The following EFHC2 variants were observed in gnomAD, a reference collection of about 807,000 sequenced individuals.
The protein encoded by EFHC2 is EF-hand domain containing 2.
In EFHC2, 18 loss-of-function variants were observed where a neutral mutation model predicts 52.7. That is an observed-to-expected ratio of 0.34 (90% CI 0.24 to 0.51). The LOEUF is 0.51. EFHC2 is among the 20% of genes least tolerant of loss of function. EFHC2 has a pLI of 0.97. For missense variants in EFHC2, 513 were observed against 562.5 expected (o/e 0.91, Z 0.89); for synonymous variants, 203 against 204.1 (o/e 0.99, Z 0.04).
intron 11 of EFHC2, among the ~76,000 whole-genome samples, chrX:44,187,056 T>C (rs1377070216): frequency 2.9e-5 from 3 of 102,612 alleles, no homozygotes; most frequent in Non-Finnish European, 5.9e-5. Flanking sequence ...GAGGTCAAAG[T>C]TGTAGTGAGC....
chrX:44,305,727 G>C (rs1170336867), intron 2 of EFHC2, among the ~76,000 whole-genome samples: 1 of 111,586 alleles, frequency 9.0e-6, no homozygotes, highest in African/African-American at 3.3e-5. Context: ...ATAACTACAA[G>C]TCCAAAGAGA....
intron 1 of EFHC2, among the ~76,000 whole-genome samples, chrX:44,320,615 C>G (rs2038012428): frequency 1.8e-5 from 2 of 111,225 alleles, no homozygotes; most frequent in African/African-American, 6.5e-5. Flanking sequence ...GCATTAGCCT[C>G]TCCCTTCCAT....
At chrX:44,227,087 A>G (rs2037238932) in intron 11 of EFHC2, among the ~76,000 whole-genome samples, 1 of 110,535 alleles carries the variant, frequency 9.0e-6, no homozygotes. Context: ...TGTTTGCCAG[A>G]CACTGAAATA....
intron 1 of EFHC2, among the ~76,000 whole-genome samples, chrX:44,313,095 CA>C (rs1276344069): frequency 0.039 from 1,927 of 49,991 alleles, 14 homozygotes; most frequent in Middle Eastern, 0.14. Context: ...ATGCAAACAG[CA>C]AAAAAAAAAA....
intron 14 of EFHC2, among the ~76,000 whole-genome samples, chrX:44,160,979 G>A (rs1255742280): frequency 1.8e-5 from 2 of 111,532 alleles, no homozygotes; most frequent in East Asian, 5.6e-4. Context: ...TATTAAGAAT[G>A]GCTTAGGTCT....
intron 9 of EFHC2, among the ~76,000 whole-genome samples, chrX:44,233,019 G>A (rs2037291829): frequency 1.8e-5 from 2 of 111,187 alleles, no homozygotes; most frequent in Admixed American, 9.6e-5. Context: ...ACAAAAAAAA[G>A]AAAAAACAGA....
At position 44,178,481 on chromosome X, in the gene EFHC2, C is replaced by G; in HGVS notation, c.1835G>C (p.Gly612Ala). Reference protein sequence around the residue: ...TIARHYRVPEGTCSDMDFLIA... With the variant: ...TIARHYRVPEATCSDMDFLIA... Reference sequence around the variant, plus strand: ...TAAGAAATCCATATCTGAACATGTGCCCTCAGGCACACGGTAGTGACGTGC... The same window carrying G: ...TAAGAAATCCATATCTGAACATGTGGCCTCAGGCACACGGTAGTGACGTGC... The change falls in exon 12 of 15, where the codon GGC (glycine) becomes GCC (alanine). Residue 612 changes from glycine (G) to alanine (A), a missense_variant. Gly to Ala is a moderately conservative substitution (Grantham distance 60). Coordinates refer to ENST00000420999, the MANE Select transcript of EFHC2 (RefSeq NM_025184.4). The G allele has an allele frequency of 8.3e-7, 1 of 1,207,169 alleles. No homozygotes were observed. Among genetic ancestry groups the G allele is most frequent in the Non-Finnish European group, 1.1e-6 (1 of 893,389 alleles).
chrX:44,266,511 AT>A (rs1270622025), intron 3 of EFHC2, among the ~76,000 whole-genome samples: 4 of 109,469 alleles, frequency 3.7e-5, no homozygotes, highest in Non-Finnish European at 7.6e-5. Flanking sequence ...TAATTTTTAT[AT>A]TTTTAGTCGA....
chrX:44,222,109 C>G (rs1302104788), intron 11 of EFHC2, among the ~76,000 whole-genome samples: 4 of 111,254 alleles, frequency 3.6e-5, no homozygotes, highest in African/African-American at 1.3e-4. Context: ...TGCCTATTTC[C>G]ACAATACCTA....
At chrX:44,269,736 T>G (rs1255751358) in intron 3 of EFHC2, among the ~76,000 whole-genome samples, 2 of 111,112 alleles carry the variant, frequency 1.8e-5, no homozygotes, top group African/African-American at 6.6e-5. Context: ...ATAATCCTCT[T>G]TTCTTTATAA....
intron 8 of EFHC2, among the ~76,000 whole-genome samples, chrX:44,241,400 T>C (rs1025643575): frequency 8.9e-6 from 1 of 112,008 alleles, no homozygotes; most frequent in African/African-American, 3.2e-5. Flanking sequence ...AAACCTATGG[T>C]TACTGAACTC....
intron 11 of EFHC2, among the ~76,000 whole-genome samples, chrX:44,207,701 A>G (rs2037059266): frequency 8.9e-6 from 1 of 112,404 alleles, no homozygotes; most frequent in African/African-American, 3.2e-5. Flanking sequence ...GAAACTGTCA[A>G]TGGAGTAAAC....
At chrX:44,308,062 T>A (rs2147379200) in intron 2 of EFHC2, among the ~76,000 whole-genome samples, 1 of 112,267 alleles carries the variant, frequency 8.9e-6, no homozygotes, top group East Asian at 2.8e-4. Flanking sequence ...AATGCTAGAA[T>A]AAGACACTGG....
intron 14 of EFHC2, among the ~76,000 whole-genome samples, chrX:44,159,765 C>G (rs2147267363): frequency 8.9e-6 from 1 of 112,731 alleles, no homozygotes; most frequent in Admixed American, 9.3e-5. Flanking sequence ...TGTGACATTC[C>G]TGGCCTAGAA....
In EFHC2 at chrX:44,312,700, C is replaced by A; in HGVS notation, c.99G>T (p.Met33Ile). The A allele has an allele frequency of 8.3e-7, 1 of 1,208,456 alleles. No homozygotes were observed. Among genetic ancestry groups the A allele is most frequent in the Non-Finnish European group, 1.1e-6 (1 of 894,214 alleles). Residue 33 changes from methionine to isoleucine, a missense_variant, in exon 2 of 15, where the codon ATG becomes ATT. Physicochemically the swap from Met to Ile is conservative, Grantham distance 10 (BLOSUM62 1). Coordinates refer to ENST00000420999, the MANE Select transcript of EFHC2 (RefSeq NM_025184.4). Reference protein sequence around the residue: ...SQHWGFCNNVMMLVSDEKPGI... With the variant: ...SQHWGFCNNVIMLVSDEKPGI... Reference sequence around the variant, plus strand: ...CAGGCTTTTCATCACTCACCAACATCATAACATTGTTGCAAAAGCCCCAAT... The same window carrying A: ...CAGGCTTTTCATCACTCACCAACATAATAACATTGTTGCAAAAGCCCCAAT...
chrX:44,231,110 G>A (rs993306626), intron 10 of EFHC2, among the ~76,000 whole-genome samples: 1 of 112,054 alleles, frequency 8.9e-6, no homozygotes, highest in African/African-American at 3.3e-5. Flanking sequence ...ATGATAACCT[G>A]AATCCCTAAG....
At chrX:44,268,818 A>T (rs746640914) in intron 3 of EFHC2, among the ~76,000 whole-genome samples, 1 of 112,057 alleles carries the variant, frequency 8.9e-6, no homozygotes, top group Non-Finnish European at 1.9e-5. Flanking sequence ...ACCCTAAAGA[A>T]TCTAAAACCT....
chrX:44,220,483 G>C (rs757423097), intron 11 of EFHC2, among the ~76,000 whole-genome samples: 6 of 111,801 alleles, frequency 5.4e-5, no homozygotes, highest in Non-Finnish European at 1.1e-4. Context: ...CTCAGTCTCT[G>C]AGTGGCTACT....
intron 11 of EFHC2, among the ~76,000 whole-genome samples, chrX:44,185,463 C>A (rs1196698108): frequency 1.8e-5 from 2 of 111,502 alleles, no homozygotes; most frequent in Non-Finnish European, 3.8e-5. Flanking sequence ...CATCTAACAT[C>A]ATAGCTTTAA....
Sources: gnomAD v4.1 joint callset for allele counts (sites outside exome capture counted in the v4.1 genomes callset) on GRCh38, gnomAD v4.1.1 for gene constraint, MANE v1.5 for transcripts, NCBI Gene and HGNC (gene_info 2026-07-23, HGNC 2026-07-21) for gene names.